The following NFIB variants were observed in gnomAD, a reference collection of about 807,000 sequenced individuals.
The protein encoded by NFIB is nuclear factor 1 B-type.
A neutral mutation model predicts 61.5 loss-of-function variants in NFIB; 11 were observed. That is an observed-to-expected ratio of 0.18 (90% CI 0.11 to 0.30). The LOEUF (loss-of-function observed/expected upper bound fraction) is 0.30, where lower values mean the gene tolerates loss of function less well. Among genes scored for constraint, NFIB ranks in the 10% least tolerant of loss-of-function variants. NFIB has a pLI of 1.00. For synonymous variants in NFIB, 260 were observed against 216.5 expected, an observed-to-expected ratio of 1.20 and a Z score of -1.76; for missense variants, 471 against 608.9, an observed-to-expected ratio of 0.77 and a Z score of 2.38.
chr9:14,322,331 A>G lies in NFIB; in HGVS notation c.109-14811T>C, dbSNP rs55666531. On this transcript the variant is annotated intron_variant, in intron 1 of 8. Coordinates refer to the NFIB transcript ENST00000380934. ...TGTGCGCCCGCGTGTGCGTGTGTGC[A>G]TGTATGTGTGTGTGTGGTGGGTTTT... 132 of 224,892 alleles carry G rather than the reference A, an allele frequency of 5.9e-4. 2 individuals are homozygous for G. The South Asian group carries it at 0.018, about 30-fold the overall frequency. The allele number at this position is 224,892 out of a possible 1,614,324, so 13.9% of individuals were successfully genotyped here.
At chr9:14,216,410 G>C (rs988484351) in intron 2 of NFIB, among the ~76,000 whole-genome samples, 6 of 152,114 alleles carry the variant, frequency 3.9e-5, no homozygotes, top group African/African-American at 9.7e-5. Flanking sequence ...GGTCTGGTTT[G>C]AGAAAGGCCG....
chr9:14,453,848 T>C, the NFIB span, among the ~76,000 whole-genome samples: 1 of 151,978 alleles, frequency 6.6e-6, no homozygotes, highest in Non-Finnish European at 1.5e-5. Context: ...TTTGGGAGTC[T>C]GAGGCTGGTG....
chr9:14,368,507 C>T (rs925248447), intron 1 of NFIB, among the ~76,000 whole-genome samples: 11 of 152,216 alleles, frequency 7.2e-5, no homozygotes, highest in Admixed American at 2.0e-4. Flanking sequence ...AGACTGGTTA[C>T]GGTGCAACTG....
chr9:14,152,649 A>G (rs867617091), intron 4 of NFIB, among the ~76,000 whole-genome samples: 21 of 152,162 alleles, frequency 1.4e-4, no homozygotes, highest in African/African-American at 4.6e-4. Flanking sequence ...ATATGGCTCC[A>G]TAGTTAACAT....
intron 10 of NFIB, among the ~76,000 whole-genome samples, chr9:14,093,731 C>G (rs896833245): frequency 6.6e-6 from 1 of 151,962 alleles, no homozygotes; most frequent in Non-Finnish European, 1.5e-5. Context: ...TTGCTGAAAA[C>G]CTGTTGGGAA....
the NFIB span, among the ~76,000 whole-genome samples, chr9:14,490,101 T>C: frequency 6.6e-6 from 1 of 152,206 alleles, no homozygotes; most frequent in South Asian, 2.1e-4. Flanking sequence ...TGTTCACCAC[T>C]AAAATTATAC....
chr9:14,479,144 T>C, the NFIB span, among the ~76,000 whole-genome samples: 39 of 152,268 alleles, frequency 2.6e-4, 1 homozygote, highest in African/African-American at 8.7e-4. Flanking sequence ...CCTCACCCAG[T>C]GAATAAAAGA....
intron 2 of NFIB, among the ~76,000 whole-genome samples, chr9:14,240,244 T>C (rs1056524559): frequency 6.6e-6 from 1 of 151,978 alleles, no homozygotes; most frequent in Non-Finnish European, 1.5e-5. Flanking sequence ...TCTGTCCCCA[T>C]CTCTCCCTCT....
chr9:14,163,194 G>C (rs1024745868), intron 3 of NFIB, among the ~76,000 whole-genome samples: 1 of 151,292 alleles, frequency 6.6e-6, no homozygotes, highest in Non-Finnish European at 1.5e-5. Context: ...TTAGCAAAGA[G>C]AAAAGAAAAC....
At chr9:14,258,812 A>G (rs2056472609) in intron 2 of NFIB, among the ~76,000 whole-genome samples, 1 of 152,204 alleles carries the variant, frequency 6.6e-6, no homozygotes, top group African/African-American at 2.4e-5. Flanking sequence ...TAAAAACAAA[A>G]TACATAAACA....
At chr9:14,208,389 G>C (rs537663464) in intron 2 of NFIB, among the ~76,000 whole-genome samples, 1 of 151,902 alleles carries the variant, frequency 6.6e-6, no homozygotes, top group Non-Finnish European at 1.5e-5. Context: ...GCTAATTCAA[G>C]AAGAACTGAA....
At chr9:14,490,640 C>T in the NFIB span, among the ~76,000 whole-genome samples, 1 of 152,020 alleles carries the variant, frequency 6.6e-6, no homozygotes. Context: ...GGGTAGAAAA[C>T]ATGAACAAGC....
chr9:14,441,860 T>G, the NFIB span, among the ~76,000 whole-genome samples: 1 of 152,168 alleles, frequency 6.6e-6, no homozygotes. Flanking sequence ...TACAGTACAC[T>G]TACGAGAGGC....
At chr9:14,428,421 T>C in the NFIB span, among the ~76,000 whole-genome samples, 2,622 of 152,230 alleles carry the variant, frequency 0.017, 39 homozygotes, top group Non-Finnish European at 0.026. Context: ...AGCCTGAAGC[T>C]AGCTGTATCT....
chr9:14,527,342 T>C, the NFIB span, among the ~76,000 whole-genome samples: 3 of 152,234 alleles, frequency 2.0e-5, no homozygotes, highest in Admixed American at 2.0e-4. Flanking sequence ...TAAACCATTA[T>C]TCTTTATCTA....
At chr9:14,230,051 C>T (rs1439128936) in intron 2 of NFIB, among the ~76,000 whole-genome samples, 4 of 152,136 alleles carry the variant, frequency 2.6e-5, no homozygotes, top group Admixed American at 2.0e-4. Flanking sequence ...GTGATCAGCC[C>T]GCCTTAGCCT....
intron 10 of NFIB, among the ~76,000 whole-genome samples, chr9:14,092,922 A>G (rs1366776986): frequency 6.6e-6 from 1 of 152,050 alleles, no homozygotes; most frequent in Admixed American, 6.6e-5. Flanking sequence ...AAAGAGCTAT[A>G]CCTTTCAGTG....
At position 14,087,580 on chromosome 9, in the gene NFIB, CT is replaced by C. The variant is rs201574652; in HGVS notation, c.*728del. ...GTTTTTTTCCTTTTTTCTTTTTTTC[CT>C]TTTTTTTTCATTTTTTCTTTTTTTA... is the stretch of plus-strand genomic sequence containing the variant. On this transcript the variant is annotated 3_prime_UTR_variant, in exon 11 of 11. Coordinates refer to ENST00000380953, the MANE Select transcript of NFIB (RefSeq NM_001190737.2). 47 of 221,240 alleles carry C rather than the reference CT, an allele frequency of 2.1e-4. No homozygotes were observed. Among genetic ancestry groups the C allele is most frequent in the Middle Eastern group, 1.4e-3 (1 of 722 alleles). 13.7% of individuals were successfully genotyped at this position (221,240 alleles called of 1,614,324 possible).
At chr9:14,164,230 G>C (rs886975911) in intron 3 of NFIB, among the ~76,000 whole-genome samples, 1 of 151,996 alleles carries the variant, frequency 6.6e-6, no homozygotes, top group Non-Finnish European at 1.5e-5. Flanking sequence ...AAATATACAA[G>C]TATAGTCATG....
Sources: allele counts gnomAD v4.1 joint callset (sites outside exome capture counted in the v4.1 genomes callset), GRCh38; gene constraint gnomAD v4.1.1; transcripts MANE v1.5; gene names NCBI Gene and HGNC (gene_info 2026-07-23, HGNC 2026-07-21).